SETDB2: variants seen among roughly 807,000 people sequenced by gnomAD.
SETDB2 encodes histone-lysine N-methyltransferase SETDB2.
SETDB2 carries 56 observed loss-of-function variants against 82.5 expected under a neutral mutation model. The observed-to-expected ratio is 0.68, with a 90% CI of 0.55 to 0.85. The LOEUF is 0.85. Ranked by LOEUF, SETDB2 falls within the 40% of genes least tolerant of loss-of-function variation. The pLI is 0.00. For synonymous variants in SETDB2, 272 were observed against 284.9 expected (o/e 0.95, Z 0.46); for missense variants, 677 against 816.4 (o/e 0.83, Z 2.08).
Position 49,493,430 on chromosome 13 carries a change from A to C in SETDB2, c.*1581A>C, listed in dbSNP as rs1237297637. On this transcript the variant is annotated 3_prime_UTR_variant, in exon 14 of 14. Coordinates refer to ENST00000611815, the MANE Select transcript of SETDB2 (RefSeq NM_001160308.3). ...TCTGTCAGTTTTATCTTCTTGGAGAAATTTCTCCTAAAATCTTGATTTGCT... is the reference window on the plus strand; with the variant it reads ...TCTGTCAGTTTTATCTTCTTGGAGACATTTCTCCTAAAATCTTGATTTGCT... 6.6e-6 allele frequency: 1 copy of C among 152,108 alleles called. No homozygotes were observed. The highest frequency in any genetic ancestry group is 1.9e-4 in the East Asian group (1 of 5,190). 9.4% of individuals were successfully genotyped at this position (152,108 alleles called of 1,614,324 possible).
rs1178733225 is a variant in SETDB2 at position 49,463,280 on chromosome 13, G to A, written c.208+2118G>A. On this transcript the variant is annotated intron_variant, in intron 4 of 13. Transcript: ENST00000611815. ...CCTGCCTCGGCCTCCCAAAGTGCTG[G>A]GATTACAGGCGTGAGCCACCGCGCC... Among the ~76,000 whole-genome samples, 8 of 152,158 alleles carry A rather than the reference G, an allele frequency of 5.3e-5. No individual in the cohort carries two copies. In the East Asian group the frequency reaches 1.5e-3, roughly 29 times the overall value.
intron 5 of SETDB2, among the ~76,000 whole-genome samples, chr13:49,475,521 C>CT (rs1958337922): frequency 2.0e-5 from 3 of 151,536 alleles, no homozygotes; most frequent in African/African-American, 7.3e-5. Context: ...GGATCTCACT[C>CT]TGTCACCCAG....
intron 4 of SETDB2, among the ~76,000 whole-genome samples, chr13:49,464,219 T>C (rs115800834): frequency 0.021 from 3,129 of 152,306 alleles, 103 homozygotes; most frequent in African/African-American, 0.071. Context: ...TCCTCTGCTC[T>C]CCCTGATTAG....
At position 49,446,266 on chromosome 13, in the gene SETDB2, G is replaced by C. The variant is rs149985152; in HGVS notation, c.-342+1409G>C. On this transcript the variant is annotated intron_variant, in intron 1 of 13. Transcript: ENST00000611815. Reference sequence around the variant, plus strand: ...CCTTGTAGATAAAGAGCACAATCCAGATTTTGACCTTGAGTTTTTTCTTGC... The same window carrying C: ...CCTTGTAGATAAAGAGCACAATCCACATTTTGACCTTGAGTTTTTTCTTGC... The C allele has an allele frequency of 2.4e-4, 102 of 419,190 alleles. No individual in the cohort carries two copies. In the East Asian group the frequency reaches 3.0e-3, roughly 12 times the overall value. The allele number at this position is 419,190 out of a possible 1,614,324, so 26.0% of individuals were successfully genotyped here.
rs1388258356 is a variant in SETDB2, at chr13:49,493,025, G to C, written c.*1176G>C. 1 of 151,298 alleles carries C rather than the reference G, an allele frequency of 6.6e-6. No homozygotes were observed. The highest frequency in any genetic ancestry group is 1.9e-4 in the East Asian group (1 of 5,174). 9.4% of individuals were successfully genotyped at this position (151,298 alleles called of 1,614,324 possible). A position where few individuals can be genotyped will look rare whatever the true frequency, so the allele number is the denominator to read the frequency against. Reference sequence around the variant, plus strand: ...ACTATGAAATCTGAAACAGCCCCTTGGTATCTCCTGGGCATGATTTGCAAA... The same window carrying C: ...ACTATGAAATCTGAAACAGCCCCTTCGTATCTCCTGGGCATGATTTGCAAA... On this transcript the variant is annotated 3_prime_UTR_variant, in exon 14 of 14. Transcript: ENST00000611815.
intron 6 of SETDB2, 86 bp downstream of exon 6, chr13:49,477,125 A>T: frequency 8.1e-7 from 1 of 1,238,164 alleles, no homozygotes; most frequent in South Asian, 1.6e-5. Flanking sequence ...TAATTTGTCT[A>T]TCTAAAACCT....
At chr13:49,449,983 GAT>G (rs895107012) in intron 1 of SETDB2, among the ~76,000 whole-genome samples, 1 of 152,130 alleles carries the variant, frequency 6.6e-6, no homozygotes, top group African/African-American at 2.4e-5. Context: ...AGCTTGGCTG[GAT>G]ATAGAGTTCT....
At position 49,476,857 on chromosome 13, in the gene SETDB2, T is replaced by C. The variant is rs1958376224; in HGVS notation, c.687T>C (p.Val229=). The C allele has an allele frequency of 6.2e-7, 1 of 1,614,098 alleles. No individual in the cohort carries two copies. Among genetic ancestry groups the C allele is most frequent in the African/African-American group, 1.3e-5 (1 of 74,942 alleles). The change falls in exon 6 of 14, where the codon GTT becomes GTC. Residue 229 remains valine (V), a synonymous_variant. Coordinates refer to ENST00000611815, the MANE Select transcript of SETDB2 (RefSeq NM_001160308.3). ...ARNYPKQKEV[V]SDVDISNGVE... Reference sequence around the variant, plus strand: ...ATTACCCAAAGCAAAAAGAAGTTGTTTCTGATGTGGATATTAGCAATGGAG... The same window carrying C: ...ATTACCCAAAGCAAAAAGAAGTTGTCTCTGATGTGGATATTAGCAATGGAG...
chr13:49,479,873 T>A (rs1395903639), intron 6 of SETDB2, among the ~76,000 whole-genome samples: 3 of 152,206 alleles, frequency 2.0e-5, no homozygotes, highest in African/African-American at 4.8e-5. Context: ...TTTGACATAT[T>A]TAAGTTTATC....
At chr13:49,475,575 C>T (rs1958338837) in intron 5 of SETDB2, among the ~76,000 whole-genome samples, 2 of 151,852 alleles carry the variant, frequency 1.3e-5, no homozygotes, top group Admixed American at 6.6e-5. Flanking sequence ...TAGCCTCAAC[C>T]TCCCGAGTCC....
At chr13:49,457,301 G>A (rs1266473158) in intron 2 of SETDB2, among the ~76,000 whole-genome samples, 6 of 129,410 alleles carry the variant, frequency 4.6e-5, no homozygotes, top group Admixed American at 8.2e-5. Flanking sequence ...CTTTTTAAAT[G>A]ACTCATTTTA....
intron 4 of SETDB2, among the ~76,000 whole-genome samples, chr13:49,462,355 A>G (rs530751556): frequency 6.6e-6 from 1 of 152,184 alleles, no homozygotes; most frequent in Non-Finnish European, 1.5e-5. Context: ...TCTCATTAGC[A>G]TACAAAAGAC....
intron 1 of SETDB2, among the ~76,000 whole-genome samples, chr13:49,450,718 C>G (rs9568206): frequency 0.11 from 17,339 of 151,912 alleles, 1,114 homozygotes; most frequent in Admixed American, 0.17. Context: ...CCTAACATTT[C>G]CATGGTTTGG....
intron 4 of SETDB2, among the ~76,000 whole-genome samples, chr13:49,462,176 T>G (rs1306263387): frequency 2.0e-5 from 3 of 152,178 alleles, no homozygotes; most frequent in African/African-American, 7.2e-5. Context: ...ATCAGCCCAT[T>G]GGTGATTTGC....
At chr13:49,474,018 T>A in intron 5 of SETDB2, among the ~76,000 whole-genome samples, 1 of 152,184 alleles carries the variant, frequency 6.6e-6, no homozygotes. Context: ...CCCCAGCACT[T>A]TGGGAGGCCG....
chr13:49,478,209 C>CAGTGAGA (rs1222956896), intron 6 of SETDB2, among the ~76,000 whole-genome samples: 5 of 152,182 alleles, frequency 3.3e-5, no homozygotes, highest in African/African-American at 9.7e-5. Flanking sequence ...GGAAACCTCT[C>CAGTGAGA]ACTGTGCTGT....
intron 2 of SETDB2, among the ~76,000 whole-genome samples, chr13:49,457,188 T>C (rs1957898470): frequency 6.6e-6 from 1 of 150,966 alleles, no homozygotes; most frequent in African/African-American, 2.4e-5. Flanking sequence ...CAGAATAATT[T>C]AGTAGCATGT....
chr13:49,446,547 A>G (rs1445491036), intron 1 of SETDB2: 1 of 352,072 alleles, frequency 2.8e-6, no homozygotes, highest in Non-Finnish European at 5.5e-6. Context: ...GTGGAAAAAT[A>G]CTATACTACA....
At chr13:49,449,963 A>G (rs1957757490) in intron 1 of SETDB2, among the ~76,000 whole-genome samples, 1 of 152,140 alleles carries the variant, frequency 6.6e-6, no homozygotes, top group African/African-American at 2.4e-5. Context: ...CATCTTTAGT[A>G]TGGAAAGATA....
Sources: gnomAD v4.1 joint callset for allele counts (sites outside exome capture counted in the v4.1 genomes callset) on GRCh38, gnomAD v4.1.1 for gene constraint, MANE v1.5 for transcripts, NCBI Gene and HGNC (gene_info 2026-07-23, HGNC 2026-07-21) for gene names.